The following CHRM2 variants were observed in gnomAD, a reference collection of about 807,000 sequenced individuals.
The protein encoded by CHRM2 is muscarinic acetylcholine receptor M2.
Under a neutral mutation model 25.0 loss-of-function variants are expected in CHRM2, and 8 were observed. The ratio of observed to expected loss-of-function variants is 0.32; its 90% confidence interval spans 0.19 to 0.58. CHRM2 has a LOEUF of 0.58. Among genes scored for constraint, CHRM2 ranks in the 20% least tolerant of loss-of-function variants. CHRM2 has a pLI of 0.88. For missense variants in CHRM2, 440 were observed against 567.1 expected (o/e 0.78, Z 2.28); for synonymous variants, 202 against 205.7 (o/e 0.98, Z 0.15).
chr7:137,015,660 C>T lies in CHRM2; in HGVS notation c.795C>T (p.Ala265=). The part of the protein sequence containing the change: ...LEHNKIQNGK[A]PRDPVTENCV... Reference sequence around the variant, plus strand: ...ACAACAAAATCCAGAATGGCAAAGCCCCCAGGGATCCTGTGACTGAAAACT... The same window carrying T: ...ACAACAAAATCCAGAATGGCAAAGCTCCCAGGGATCCTGTGACTGAAAACT... Residue 265 remains alanine (A), a synonymous_variant, in exon 4 of 4, where the codon GCC becomes GCT. Coordinates refer to ENST00000680005, the MANE Select transcript of CHRM2 (RefSeq NM_001006630.2). The surrounding 1 kb of genome is among the most constrained non-coding windows in gnomAD (Gnocchi z 5.1). 1 of 1,612,922 alleles carries T rather than the reference C, an allele frequency of 6.2e-7. No homozygotes were observed. The highest frequency in any genetic ancestry group is 8.5e-7 in the Non-Finnish European group (1 of 1,179,486).
chr7:136,880,173 AT>A (rs71533716), intron 2 of CHRM2, among the ~76,000 whole-genome samples: 20,576 of 151,272 alleles, frequency 0.14, 1,582 homozygotes, highest in Non-Finnish European at 0.18. Context: ...TAGACATGGG[AT>A]TCTAGAGTAT....
At chr7:136,901,619 C>T (rs896731078) in intron 2 of CHRM2, among the ~76,000 whole-genome samples, 2 of 151,692 alleles carry the variant, frequency 1.3e-5, no homozygotes, top group Admixed American at 6.6e-5. Context: ...TCATTTTTTT[C>T]CCCCATTTCC....
chr7:136,915,858 A>ATT (rs113903060), intron 2 of CHRM2, among the ~76,000 whole-genome samples: 5,259 of 141,844 alleles, frequency 0.037, 329 homozygotes, highest in African/African-American at 0.12. Context: ...GAAAAGAAAC[A>ATT]TTTTTTTTTT....
chr7:136,968,020 T>C (rs1385908915), intron 2 of CHRM2, among the ~76,000 whole-genome samples: 1 of 152,082 alleles, frequency 6.6e-6, no homozygotes, highest in Non-Finnish European at 1.5e-5. Flanking sequence ...GACATTGTGT[T>C]CACTGCTTTA....
At chr7:136,998,941 G>A (rs891077988) in intron 3 of CHRM2, among the ~76,000 whole-genome samples, 10 of 152,088 alleles carry the variant, frequency 6.6e-5, no homozygotes, top group African/African-American at 1.9e-4. Flanking sequence ...AGTTAATCAC[G>A]CCAAATAGGT....
intron 2 of CHRM2, among the ~76,000 whole-genome samples, chr7:136,985,504 C>CAAAAAA (rs974105875): frequency 0.024 from 1,382 of 58,292 alleles, 3 homozygotes; most frequent in East Asian, 0.05. Flanking sequence ...AGTTAGACTC[C>CAAAAAA]AAAAAAAAAA....
chr7:136,993,504 A>G (rs1202935382), intron 3 of CHRM2, among the ~76,000 whole-genome samples: 1 of 152,130 alleles, frequency 6.6e-6, no homozygotes, highest in African/African-American at 2.4e-5. Flanking sequence ...GATATAATGC[A>G]GTGCATGTTC....
chr7:136,962,158 A>T (rs192899598), intron 2 of CHRM2, among the ~76,000 whole-genome samples: 2 of 150,642 alleles, frequency 1.3e-5, no homozygotes, highest in Admixed American at 6.6e-5. Context: ...TTTTTTAGAC[A>T]GAGTCTTGCT....
chr7:136,981,169 G>C (rs1018890071), intron 2 of CHRM2, among the ~76,000 whole-genome samples: 1 of 152,080 alleles, frequency 6.6e-6, no homozygotes, highest in African/African-American at 2.4e-5. Flanking sequence ...GTTTAGTCTT[G>C]GGAGGTTGTA....
chr7:136,979,541 A>AT (rs1284967886), intron 2 of CHRM2, among the ~76,000 whole-genome samples: 2 of 152,088 alleles, frequency 1.3e-5, no homozygotes, highest in South Asian at 2.1e-4. Flanking sequence ...CCGTAATGGT[A>AT]TTGCCTAGGT....
chr7:136,873,770 C>G (rs1795936464), intron 2 of CHRM2, among the ~76,000 whole-genome samples: 1 of 152,038 alleles, frequency 6.6e-6, no homozygotes, highest in African/African-American at 2.4e-5. Flanking sequence ...GATGTTCTCC[C>G]CATCTGTTAA....
intron 2 of CHRM2, chr7:136,898,825 A>G (rs1415518225): frequency 2.0e-5 from 3 of 152,106 alleles, no homozygotes; most frequent in Admixed American, 6.6e-5. Flanking sequence ...GAAGAAAACA[A>G]GCACTATCAA....
At chr7:136,980,814 C>A (rs965193275) in intron 2 of CHRM2, among the ~76,000 whole-genome samples, 11 of 152,146 alleles carry the variant, frequency 7.2e-5, no homozygotes, top group African/African-American at 2.7e-4. Context: ...AGTGGATAAG[C>A]TTTTTAACGT....
chr7:136,996,533 G>A (rs1803615217), intron 3 of CHRM2, among the ~76,000 whole-genome samples: 1 of 152,110 alleles, frequency 6.6e-6, no homozygotes, highest in South Asian at 2.1e-4. Flanking sequence ...AATAGCAAAT[G>A]TATATAACTT....
At chr7:136,913,377 C>T (rs2130696303) in intron 2 of CHRM2, among the ~76,000 whole-genome samples, 1 of 151,988 alleles carries the variant, frequency 6.6e-6, no homozygotes, top group South Asian at 2.1e-4. Flanking sequence ...TTTTCAGAAA[C>T]AAAAATTCCT....
chr7:136,991,823 A>G (rs2350786), intron 2 of CHRM2, among the ~76,000 whole-genome samples: 100,166 of 152,010 alleles, frequency 0.66, 33,957 homozygotes, highest in Non-Finnish European at 0.73. Context: ...GGCAAACTAC[A>G]GTAGCTGATT....
Position 137,018,732 on chromosome 7 carries a change from T to G in CHRM2, c.*2466T>G, listed in dbSNP as rs1805299456. The stretch of plus-strand genomic sequence containing the variant: ...CTTGCCACAGCCACTGCAACCTCAT[T>G]GAAAGAGAAACTGTCACTTTAAAGA... On this transcript the variant is annotated 3_prime_UTR_variant, in exon 4 of 4. Transcript: ENST00000680005. 6.6e-6 allele frequency: 1 copy of G among 151,814 alleles called. No individual in the cohort carries two copies. 9.4% of individuals were successfully genotyped at this position (151,814 alleles called of 1,614,324 possible). A position where few individuals can be genotyped will look rare whatever the true frequency, so the allele number is the denominator to read the frequency against.
intron 2 of CHRM2, among the ~76,000 whole-genome samples, chr7:136,969,473 G>C (rs2130924126): frequency 6.6e-6 from 1 of 152,060 alleles, no homozygotes; most frequent in East Asian, 1.9e-4. Flanking sequence ...CCTGTATCTT[G>C]CTTACCTCTA....
In CHRM2 at chr7:137,015,288, T is replaced by C. The variant is rs777271944; in HGVS notation, c.423T>C (p.Gly141=). 6.2e-7 allele frequency: 1 copy of C among 1,611,600 alleles called. No individual in the cohort carries two copies. The highest frequency in any genetic ancestry group is 8.5e-7 in the Non-Finnish European group (1 of 1,179,306). Residue 141 remains glycine (G), a synonymous_variant, in exon 4 of 4, where the codon GGT becomes GGC. Transcript: ENST00000680005. This position sits in a 1 kb window ranked among gnomAD's most constrained non-coding sequence, Gnocchi z 5.1. ...TCAAGCGGACCACAAAAATGGCAGG[T>C]ATGATGATTGCAGCTGCCTGGGTCC... is the stretch of plus-strand genomic sequence containing the variant. ...YPVKRTTKMA[G]MMIAAAWVLS...
Sources: gnomAD v4.1 joint callset for allele counts (sites outside exome capture counted in the v4.1 genomes callset) on GRCh38, gnomAD v4.1.1 for gene constraint, Gnocchi (gnomAD v3.1) non-coding constraint, MANE v1.5 for transcripts, NCBI Gene and HGNC (gene_info 2026-07-23, HGNC 2026-07-21) for gene names.